Variants in PRKAR1B observed in about 807,000 individuals in gnomAD.
The protein encoded by PRKAR1B is cAMP-dependent protein kinase type I-beta regulatory subunit.
A neutral mutation model predicts 46.5 loss-of-function variants in PRKAR1B; 22 were observed. That is an observed-to-expected ratio of 0.47 (90% CI 0.34 to 0.68). PRKAR1B has a LOEUF of 0.68. Among genes scored for constraint, PRKAR1B ranks in the 30% least tolerant of loss-of-function variants. The probability of loss-of-function intolerance (pLI) is 0.01; values close to 1 mark genes in which losing one functional copy is unlikely to be tolerated. For missense variants in PRKAR1B, 445 were observed against 535.6 expected, an observed-to-expected ratio of 0.83 and a Z score of 1.67; for synonymous variants, 259 against 217.7, an observed-to-expected ratio of 1.19 and a Z score of -1.67.
intron 1 of PRKAR1B, among the ~76,000 whole-genome samples, chr7:715,330 C>A (rs1216272605): frequency 1.3e-5 from 2 of 152,132 alleles, no homozygotes; most frequent in Non-Finnish European, 2.9e-5. Context: ...CCATTAAATG[C>A]TCCTGGATGA....
At chr7:626,719 C>A (rs1350616978) in intron 4 of PRKAR1B, among the ~76,000 whole-genome samples, 3 of 144,448 alleles carry the variant, frequency 2.1e-5, no homozygotes, top group Non-Finnish European at 4.6e-5. Context: ...ATAAAGTGAA[C>A]TTTTTTTTTT....
chr7:574,646 G>T (rs886654767), intron 9 of PRKAR1B, among the ~76,000 whole-genome samples: 2 of 152,178 alleles, frequency 1.3e-5, no homozygotes, highest in Non-Finnish European at 2.9e-5. Flanking sequence ...GTTTCACCAT[G>T]TTGGCCAGGC....
chr7:675,356 G>A (rs562283019), intron 4 of PRKAR1B, among the ~76,000 whole-genome samples: 1 of 152,338 alleles, frequency 6.6e-6, no homozygotes, highest in East Asian at 1.9e-4. Flanking sequence ...CAAACACACA[G>A]GGCGGCTGGA....
chr7:722,662 G>A (rs772702029), intron 1 of PRKAR1B, among the ~76,000 whole-genome samples: 18 of 152,376 alleles, frequency 1.2e-4, no homozygotes, highest in South Asian at 4.1e-4. Flanking sequence ...GTGAGCCACC[G>A]CGCCCAGCTG....
intron 4 of PRKAR1B, among the ~76,000 whole-genome samples, chr7:664,707 C>G (rs1033568973): frequency 2.7e-5 from 4 of 150,812 alleles, no homozygotes; most frequent in Admixed American, 2.0e-4. Context: ...CCAGGAGGCT[C>G]AAGTCCAGCC....
At chr7:679,311 A>C (rs1053751053) in intron 3 of PRKAR1B, among the ~76,000 whole-genome samples, 1 of 151,892 alleles carries the variant, frequency 6.6e-6, no homozygotes, top group Non-Finnish European at 1.5e-5. Flanking sequence ...CTGTCCCAGG[A>C]CCCCGTCCTG....
At chr7:642,055 C>T (rs767303646) in intron 4 of PRKAR1B, among the ~76,000 whole-genome samples, 2 of 152,108 alleles carry the variant, frequency 1.3e-5, no homozygotes, top group Non-Finnish European at 2.9e-5. Context: ...CAGGCACGCA[C>T]CACCACACCC....
At chr7:698,306 C>A (rs532553916) in intron 2 of PRKAR1B, among the ~76,000 whole-genome samples, 2 of 152,084 alleles carry the variant, frequency 1.3e-5, no homozygotes, top group Admixed American at 6.5e-5. Context: ...GATGAAGATG[C>A]AAGTCCCAGT....
chr7:689,288 A>T (rs1226663684), intron 2 of PRKAR1B, among the ~76,000 whole-genome samples: 1 of 151,216 alleles, frequency 6.6e-6, no homozygotes, highest in Non-Finnish European at 1.5e-5. Flanking sequence ...CACCCGGCTA[A>T]TTTTTTGTAT....
chr7:557,034 T>G (rs561300297), intron 9 of PRKAR1B, among the ~76,000 whole-genome samples: 1 of 152,240 alleles, frequency 6.6e-6, no homozygotes, highest in South Asian at 2.1e-4. Flanking sequence ...GAGAACCAGG[T>G]GCGGCCCCTC....
rs1029932074 is a variant in PRKAR1B at position 595,097 on chromosome 7, C to T, written c.708+1049G>A. On this transcript the variant is annotated intron_variant, in intron 7 of 10. Transcript: ENST00000537384. ...GACAGGGTGCTTCCTGCAGAAGCTGCGGGTCCTCGGCCTGGAGCCCTCCCC... is the reference window on the plus strand; with the variant it reads ...GACAGGGTGCTTCCTGCAGAAGCTGTGGGTCCTCGGCCTGGAGCCCTCCCC... Among the ~76,000 whole-genome samples, 4 of 152,302 alleles carry T rather than the reference C, an allele frequency of 2.6e-5. No homozygotes were observed. In the East Asian group the frequency reaches 5.8e-4, roughly 22 times the overall value.
chr7:727,130 C>G (rs1379663317), intron 1 of PRKAR1B, 80 bp downstream of exon 1: 12 of 1,201,198 alleles, frequency 1.0e-5, no homozygotes, highest in Non-Finnish European at 1.2e-5. Flanking sequence ...CCGCCCGAGG[C>G]CTGTGAGGAG....
chr7:654,437 C>A (rs1402107936), intron 4 of PRKAR1B, among the ~76,000 whole-genome samples: 1 of 151,808 alleles, frequency 6.6e-6, no homozygotes, highest in African/African-American at 2.4e-5. Context: ...ACTACTATCA[C>A]CATCATCATC....
At chr7:651,126 C>A (rs1180150710) in intron 4 of PRKAR1B, among the ~76,000 whole-genome samples, 1 of 152,194 alleles carries the variant, frequency 6.6e-6, no homozygotes, top group Non-Finnish European at 1.5e-5. Context: ...AGAGCAGGTG[C>A]CAAATCTACT....
chr7:723,546 T>C (rs1781146709), intron 1 of PRKAR1B, among the ~76,000 whole-genome samples: 1 of 152,178 alleles, frequency 6.6e-6, no homozygotes, highest in South Asian at 2.1e-4. Context: ...TGTATTTCAA[T>C]GGGAGGAGCA....
intron 2 of PRKAR1B, among the ~76,000 whole-genome samples, chr7:687,145 T>C (rs926304520): frequency 2.6e-5 from 4 of 152,154 alleles, no homozygotes; most frequent in Non-Finnish European, 4.4e-5. Flanking sequence ...CCTCAAATTT[T>C]CTCTTTAATT....
At position 714,688 on chromosome 7, in the gene PRKAR1B, C is replaced by G. The variant is rs1424366660; in HGVS notation, c.-22-3161G>C. ...CTGCAGACAAGTTTCTGCCTGACTC[C>G]CAGGCCTCTCTTGCTTCAGCCTTAC... On this transcript the variant is annotated intron_variant, in intron 1 of 10. Transcript: ENST00000537384. The surrounding 1 kb of genome is among the most constrained non-coding windows in gnomAD (Gnocchi z 4.3). Among the ~76,000 whole-genome samples, 1 of 152,248 alleles carries G rather than the reference C, an allele frequency of 6.6e-6. No homozygotes were observed. The highest frequency in any genetic ancestry group is 2.4e-5 in the African/African-American group (1 of 41,466).
chr7:672,627 G>C (rs542970399), intron 4 of PRKAR1B, among the ~76,000 whole-genome samples: 37 of 152,042 alleles, frequency 2.4e-4, no homozygotes, highest in African/African-American at 7.5e-4. Context: ...TAGCACTTTG[G>C]GGGGCTGAGG....
intron 4 of PRKAR1B, among the ~76,000 whole-genome samples, chr7:637,000 G>T (rs1056084161): frequency 9.9e-5 from 15 of 152,210 alleles, no homozygotes; most frequent in African/African-American, 3.4e-4. Context: ...CAGAAACCTT[G>T]AAGGAGGTGA....
Sources: allele counts gnomAD v4.1 joint callset (sites outside exome capture counted in the v4.1 genomes callset), GRCh38; gene constraint gnomAD v4.1.1; non-coding constraint Gnocchi (gnomAD v3.1); transcripts MANE v1.5; gene names NCBI Gene and HGNC (gene_info 2026-07-23, HGNC 2026-07-21).